The following TRPM3 variants were observed in gnomAD, a reference collection of about 807,000 sequenced individuals.
The protein encoded by TRPM3 is transient receptor potential cation channel subfamily M member 3.
In TRPM3, 77 loss-of-function variants were observed where a neutral mutation model predicts 181.2. The observed-to-expected ratio is 0.42, with a 90% confidence interval of 0.35 to 0.51. TRPM3 has a LOEUF of 0.51. Among genes scored for constraint, TRPM3 ranks in the 20% least tolerant of loss-of-function variants. TRPM3 has a pLI of 0.01. For missense variants in TRPM3, 1,759 were observed against 2,196.7 expected (o/e 0.80, Z 3.98); for synonymous variants, 745 against 796.4 (o/e 0.94, Z 1.09).
intron 1 of TRPM3, among the ~76,000 whole-genome samples, chr9:71,369,989 G>A (rs538381054): frequency 6.6e-6 from 1 of 152,176 alleles, no homozygotes; most frequent in South Asian, 2.1e-4. Context: ...CTGTTATGGT[G>A]ATCTGTGATC....
intron 1 of TRPM3, among the ~76,000 whole-genome samples, chr9:70,967,473 TCCAAAG>T (rs1564864366): frequency 3.3e-5 from 5 of 152,220 alleles, no homozygotes; most frequent in African/African-American, 1.2e-4. Context: ...CATTTTCTGA[TCCAAAG>T]AAATTCTGTG....
intron 8 of TRPM3, among the ~76,000 whole-genome samples, chr9:70,698,264 A>T (rs2071254460): frequency 6.6e-6 from 1 of 151,622 alleles, no homozygotes; most frequent in African/African-American, 2.4e-5. Context: ...CTTCAAGCCG[A>T]TTCTCCATGT....
intron 1 of TRPM3, among the ~76,000 whole-genome samples, chr9:70,883,658 G>T (rs1468992781): frequency 1.3e-5 from 2 of 152,142 alleles, no homozygotes; most frequent in East Asian, 3.9e-4. Flanking sequence ...GGTAATGGTA[G>T]ACTTATATGA....
chr9:71,044,674 T>C (rs1486488226), intron 1 of TRPM3, among the ~76,000 whole-genome samples: 1 of 151,884 alleles, frequency 6.6e-6, no homozygotes, highest in African/African-American at 2.4e-5. Flanking sequence ...CTTTCCAGCA[T>C]TTTTTTTCGT....
At chr9:71,259,019 TTTC>T in intron 1 of TRPM3, among the ~76,000 whole-genome samples, 1 of 152,240 alleles carries the variant, frequency 6.6e-6, no homozygotes, top group South Asian at 2.1e-4. Context: ...ACATTAGGTA[TTTC>T]TCCTAATGCT....
At chr9:71,163,847 G>C (rs1467527826) in intron 1 of TRPM3, among the ~76,000 whole-genome samples, 3 of 152,108 alleles carry the variant, frequency 2.0e-5, no homozygotes, top group Non-Finnish European at 2.9e-5. Flanking sequence ...CAAAGAAAGA[G>C]ATTTTTAGTA....
intron 6 of TRPM3, among the ~76,000 whole-genome samples, chr9:70,801,385 G>A (rs2088979711): frequency 1.3e-5 from 2 of 152,122 alleles, no homozygotes; most frequent in African/African-American, 4.8e-5. Context: ...CATTATCAGA[G>A]CTATTTCTTT....
chr9:70,658,466 G>A (rs1029795042), intron 9 of TRPM3, among the ~76,000 whole-genome samples: 1 of 152,198 alleles, frequency 6.6e-6, no homozygotes, highest in Admixed American at 6.5e-5. Context: ...ATGAAATGGT[G>A]TTTGGTTTTC....
intron 1 of TRPM3, among the ~76,000 whole-genome samples, chr9:71,397,801 T>TA (rs5898206): frequency 0.99 from 150,767 of 152,348 alleles, 74,631 homozygotes; most frequent in East Asian, 1. Flanking sequence ...CTACATTATA[T>TA]TTCCAGAATA....
intron 8 of TRPM3, among the ~76,000 whole-genome samples, chr9:70,691,869 C>T (rs2068685964): frequency 6.6e-6 from 1 of 152,130 alleles, no homozygotes; most frequent in East Asian, 1.9e-4. Context: ...TTTGCATGTC[C>T]CAGGGAGAGT....
chr9:70,607,545 G>A (rs927664247), intron 19 of TRPM3, among the ~76,000 whole-genome samples: 1 of 152,172 alleles, frequency 6.6e-6, no homozygotes, highest in East Asian at 1.9e-4. Flanking sequence ...ACCACCCCCC[G>A]CCAAAGAGGC....
chr9:71,290,952 CAG>C (rs1177779668), intron 1 of TRPM3, among the ~76,000 whole-genome samples: 5 of 151,968 alleles, frequency 3.3e-5, no homozygotes, highest in East Asian at 3.9e-4. Context: ...GAAATGAAGA[CAG>C]ATATATCAGC....
intron 1 of TRPM3, among the ~76,000 whole-genome samples, chr9:71,240,431 G>A (rs2081596058): frequency 6.6e-6 from 1 of 152,090 alleles, no homozygotes; most frequent in Non-Finnish European, 1.5e-5. Flanking sequence ...GTTGTCTTGA[G>A]TGAGTTAAAG....
At chr9:70,555,768 A>C (rs975955583) in intron 22 of TRPM3, among the ~76,000 whole-genome samples, 6 of 149,372 alleles carry the variant, frequency 4.0e-5, no homozygotes, top group African/African-American at 9.9e-5. Context: ...TACTCTACTC[A>C]CTCCCTCCCA....
intron 11 of TRPM3, among the ~76,000 whole-genome samples, chr9:70,635,989 C>A (rs1002254994): frequency 5.3e-5 from 8 of 152,120 alleles, no homozygotes; most frequent in African/African-American, 1.9e-4. Context: ...GGCATTCTGC[C>A]ATCACAACTT....
chr9:70,579,865 A>G (rs2055166608), intron 22 of TRPM3, among the ~76,000 whole-genome samples: 1 of 152,252 alleles, frequency 6.6e-6, no homozygotes, highest in South Asian at 2.1e-4. Flanking sequence ...ACCCTGTCTC[A>G]CTTTTCTTGC....
At chr9:70,986,620 T>TA (rs1336203836) in intron 1 of TRPM3, among the ~76,000 whole-genome samples, 1 of 152,192 alleles carries the variant, frequency 6.6e-6, no homozygotes, top group African/African-American at 2.4e-5. Context: ...TGGCTTTTGG[T>TA]AGTTAAATTA....
intron 25 of TRPM3, among the ~76,000 whole-genome samples, chr9:70,546,017 A>G (rs2044784078): frequency 1.3e-5 from 2 of 152,196 alleles, no homozygotes; most frequent in Admixed American, 6.5e-5. Context: ...GGCCTTGCTC[A>G]TGCCAGTTGC....
intron 1 of TRPM3, among the ~76,000 whole-genome samples, chr9:71,008,194 T>G (rs1178370748): frequency 6.6e-6 from 1 of 151,856 alleles, no homozygotes; most frequent in East Asian, 1.9e-4. Context: ...CTTGGACACA[T>G]ACAACCTACC....
Sources: allele counts gnomAD v4.1 joint callset (sites outside exome capture counted in the v4.1 genomes callset), GRCh38; gene constraint gnomAD v4.1.1; transcripts MANE v1.5; gene names NCBI Gene and HGNC (gene_info 2026-07-23, HGNC 2026-07-21).